CAMK1D: variants seen among roughly 807,000 people sequenced by gnomAD.
The protein encoded by CAMK1D is calcium/calmodulin-dependent protein kinase type 1D.
Under a neutral mutation model 47.7 loss-of-function variants are expected in CAMK1D, and 9 were observed. The ratio of observed to expected loss-of-function variants is 0.19; its 90% confidence interval spans 0.11 to 0.33. The LOEUF (loss-of-function observed/expected upper bound fraction) is 0.33. CAMK1D is among the 10% of genes least tolerant of loss of function. The pLI is 1.00. For synonymous variants in CAMK1D, 184 were observed against 184.9 expected, an observed-to-expected ratio of 0.99 and a Z score of 0.04; for missense variants, 291 against 488.7, an observed-to-expected ratio of 0.60 and a Z score of 3.81.
chr10:12,372,402 T>A (rs1481510909), intron 1 of CAMK1D, among the ~76,000 whole-genome samples: 2 of 152,208 alleles, frequency 1.3e-5, no homozygotes, highest in African/African-American at 4.8e-5. Flanking sequence ...CTTGAAGAAT[T>A]GGGATTTGAA....
intron 1 of CAMK1D, among the ~76,000 whole-genome samples, chr10:12,467,411 C>T (rs1833624035): frequency 6.6e-6 from 1 of 152,102 alleles, no homozygotes; most frequent in African/African-American, 2.4e-5. Context: ...CCTCAGTCTC[C>T]CAAAGTACTG....
intron 3 of CAMK1D, among the ~76,000 whole-genome samples, chr10:12,750,693 GATGA>G (rs908049587): frequency 1.4e-4 from 22 of 151,902 alleles, no homozygotes; most frequent in African/African-American, 1.4e-4. Flanking sequence ...ATGAATGAAT[GATGA>G]ATGAATGAAT....
chr10:12,671,639 G>A (rs79349794), intron 3 of CAMK1D, among the ~76,000 whole-genome samples: 8,623 of 151,096 alleles, frequency 0.057, 256 homozygotes, highest in African/African-American at 0.066. Flanking sequence ...ATATATACAC[G>A]TATACACACA....
chr10:12,464,347 A>G (rs2031747), intron 1 of CAMK1D, among the ~76,000 whole-genome samples: 61,798 of 151,174 alleles, frequency 0.41, 13,487 homozygotes, highest in Non-Finnish European at 0.49. Flanking sequence ...CCAGGTGCAG[A>G]GAGTAGTCAG....
Position 12,736,535 on chromosome 10 carries a change from A to G in CAMK1D, c.300-24413A>G, listed in dbSNP as rs150853068. Among the ~76,000 whole-genome samples, 1,222 of 152,362 alleles carry G rather than the reference A, an allele frequency of 8.0e-3. 11 individuals carry two copies. The highest frequency in any genetic ancestry group is 0.028 in the African/African-American group (1,174 of 41,576). ...GAAAGTTTTCTGGCACTTCTTAAAT[A>G]AGATTTGTGTTTTACAATTTTGGAA... On this transcript the variant is annotated intron_variant, in intron 3 of 10. Coordinates refer to ENST00000619168, the MANE Select transcript of CAMK1D (RefSeq NM_153498.4).
chr10:12,492,679 T>C (rs1020472596), intron 1 of CAMK1D, among the ~76,000 whole-genome samples: 2 of 152,162 alleles, frequency 1.3e-5, no homozygotes, highest in Non-Finnish European at 2.9e-5. Flanking sequence ...CAGCCACTGT[T>C]TGACAGTCAT....
At chr10:12,560,206 T>C (rs1185973707) in intron 2 of CAMK1D, among the ~76,000 whole-genome samples, 1 of 152,128 alleles carries the variant, frequency 6.6e-6, no homozygotes, top group Non-Finnish European at 1.5e-5. Context: ...TTTAAACCAC[T>C]GCCAAGTGCC....
Position 12,629,437 on chromosome 10 carries a change from C to T in CAMK1D, c.225-37299C>T, listed in dbSNP as rs113036957. Among the ~76,000 whole-genome samples, 225 of 152,268 alleles carry T rather than the reference C, an allele frequency of 1.5e-3. 1 individual carries two copies. The highest frequency in any genetic ancestry group is 5.2e-3 in the African/African-American group (214 of 41,546). ...TTTACATAAAAATATAATGTGCATC[C>T]GGTGAAGATGCAGAGCTAAAGGTGA... On this transcript the variant is annotated intron_variant, in intron 2 of 10. Transcript: ENST00000619168.
chr10:12,712,919 A>G (rs1474198444), intron 3 of CAMK1D, among the ~76,000 whole-genome samples: 1 of 152,282 alleles, frequency 6.6e-6, no homozygotes, highest in Non-Finnish European at 1.5e-5. Flanking sequence ...TGTCAGTTCC[A>G]TACCTGGGAG....
At chr10:12,393,215 T>C (rs1838810273) in intron 1 of CAMK1D, among the ~76,000 whole-genome samples, 1 of 151,996 alleles carries the variant, frequency 6.6e-6, no homozygotes, top group Admixed American at 6.6e-5. Flanking sequence ...GTATTTTAAG[T>C]AGAGATGGGG....
At position 12,538,838 on chromosome 10, in the gene CAMK1D, G is replaced by C. The variant is rs533263840; in HGVS notation, c.93-14387G>C. 2.0e-5 allele frequency among the ~76,000 whole-genome samples: 3 copies of C among 151,282 alleles called. No individual in the cohort carries two copies. In the East Asian group the frequency reaches 5.8e-4, roughly 29 times the overall value. On this transcript the variant is annotated intron_variant, in intron 1 of 10. Coordinates refer to ENST00000619168, the MANE Select transcript of CAMK1D (RefSeq NM_153498.4). ...AGCTTTTATCTGAAGTGGTGGGGGA[G>C]GGGGGCAGTGGAACTCATGTCCATA...
intron 1 of CAMK1D, among the ~76,000 whole-genome samples, chr10:12,396,135 A>T (rs1285336271): frequency 2.0e-5 from 3 of 151,924 alleles, no homozygotes; most frequent in Non-Finnish European, 4.4e-5. Flanking sequence ...CGGCCTCCCA[A>T]AGTGCTGGGC....
intron 1 of CAMK1D, among the ~76,000 whole-genome samples, chr10:12,426,675 A>G (rs1298989369): frequency 1.3e-5 from 2 of 152,106 alleles, no homozygotes; most frequent in Non-Finnish European, 2.9e-5. Context: ...CAGCTTCCTA[A>G]GTAGCTGGGA....
intron 1 of CAMK1D, among the ~76,000 whole-genome samples, chr10:12,426,497 A>G (rs1245108637): frequency 6.6e-6 from 1 of 152,178 alleles, no homozygotes; most frequent in Non-Finnish European, 1.5e-5. Flanking sequence ...TGCCGGCCTC[A>G]GCCTCCCAAA....
At chr10:12,705,001 C>A (rs906011894) in intron 3 of CAMK1D, among the ~76,000 whole-genome samples, 1 of 152,130 alleles carries the variant, frequency 6.6e-6, no homozygotes, top group East Asian at 1.9e-4. Flanking sequence ...AGTGTTCCTT[C>A]TCTGTAGTGA....
At chr10:12,779,374 G>A (rs952235908) in intron 5 of CAMK1D, among the ~76,000 whole-genome samples, 11 of 152,168 alleles carry the variant, frequency 7.2e-5, no homozygotes, top group African/African-American at 2.7e-4. Flanking sequence ...TATCAATCAC[G>A]TAATTGACAA....
At chr10:12,602,309 C>T (rs898474978) in intron 2 of CAMK1D, among the ~76,000 whole-genome samples, 27 of 152,092 alleles carry the variant, frequency 1.8e-4, no homozygotes, top group Non-Finnish European at 3.4e-4. Flanking sequence ...CAAGTGATCC[C>T]CCTACTTCAG....
At chr10:12,551,703 A>C (rs1206994810) in intron 1 of CAMK1D, among the ~76,000 whole-genome samples, 1 of 152,136 alleles carries the variant, frequency 6.6e-6, no homozygotes, top group East Asian at 1.9e-4. Flanking sequence ...ACACCAGTGC[A>C]CTCCAGCCTG....
intron 1 of CAMK1D, among the ~76,000 whole-genome samples, chr10:12,482,645 C>T (rs1421785000): frequency 6.6e-6 from 1 of 152,128 alleles, no homozygotes; most frequent in African/African-American, 2.4e-5. Context: ...TGCGTGTATA[C>T]GTGACACACA....
Sources: allele counts gnomAD v4.1 joint callset (sites outside exome capture counted in the v4.1 genomes callset), GRCh38; gene constraint gnomAD v4.1.1; transcripts MANE v1.5; gene names NCBI Gene and HGNC (gene_info 2026-07-23, HGNC 2026-07-21).